CCNH: variants seen among roughly 807,000 people sequenced by gnomAD.
CCNH encodes cyclin-H.
CCNH carries 31 observed loss-of-function variants against 41.9 expected under a neutral mutation model. The ratio of observed to expected loss-of-function variants is 0.74; its 90% confidence interval spans 0.56 to 1.00. The LOEUF (loss-of-function observed/expected upper bound fraction) is 1.00, where lower values mean the gene tolerates loss of function less well. Ranked by LOEUF, CCNH falls within the 50% of genes least tolerant of loss-of-function variation. The probability of loss-of-function intolerance (pLI) is 0.00; values close to 1 mark genes in which losing one functional copy is unlikely to be tolerated. For missense variants in CCNH, 362 were observed against 388.4 expected (o/e 0.93, Z 0.57); for synonymous variants, 138 against 136.1 (o/e 1.01, Z -0.10).
At chr5:87,410,973 T>C (rs1214029075) in intron 2 of CCNH, among the ~76,000 whole-genome samples, 1 of 152,224 alleles carries the variant, frequency 6.6e-6, no homozygotes, top group Admixed American at 6.5e-5. Context: ...AATTTATTTT[T>C]TTTCTTTCTT....
intron 9 of CCNH, among the ~76,000 whole-genome samples, chr5:87,357,982 G>C (rs1019215899): frequency 1.3e-5 from 2 of 152,198 alleles, no homozygotes; most frequent in African/African-American, 2.4e-5. Flanking sequence ...GTGATGAAAA[G>C]TTGGTTTTAG....
rs1758872800 is a variant in CCNH, at chr5:87,346,535, TAAG to T, written c.*91-27641_*91-27639del. 7.8e-6 allele frequency: 4 copies of T among 514,030 alleles called. 1 individual carries two copies. The allele number at this position is 514,030 out of a possible 1,614,324, so 31.8% of individuals were successfully genotyped here. On this transcript the variant is annotated intron_variant and NMD_transcript_variant, in intron 9 of 9. Coordinates refer to the CCNH transcript ENST00000645953. The stretch of plus-strand genomic sequence containing the variant: ...GTATATAAAATGTATTAAAATGTAA[TAAG>T]AATGAGATGATTTGATTAATTGCAT...
At chr5:87,350,494 T>C (rs2112424740) in intron 9 of CCNH, among the ~76,000 whole-genome samples, 2 of 151,948 alleles carry the variant, frequency 1.3e-5, no homozygotes, top group East Asian at 3.9e-4. Flanking sequence ...ATAAAATAAT[T>C]TACATGAATT....
rs185072580 is a variant in CCNH, at chr5:87,328,347, C to T, written c.*91-9450G>A. ...ATTTTTTTTTAAACTTATTTGAAAA[C>T]GGTCACCAGCAAATCTACTTTTAAA... On this transcript the variant is annotated intron_variant and NMD_transcript_variant, in intron 9 of 9. Coordinates refer to the CCNH transcript ENST00000645953. 2.4e-3 allele frequency among the ~76,000 whole-genome samples: 363 copies of T among 151,642 alleles called. 1 individual carries two copies. Among genetic ancestry groups the T allele is most frequent in the African/African-American group, 8.2e-3 (340 of 41,334 alleles).
At chr5:87,340,004 ACT>A (rs1401028803) in intron 9 of CCNH, among the ~76,000 whole-genome samples, 2 of 152,078 alleles carry the variant, frequency 1.3e-5, no homozygotes, top group Non-Finnish European at 2.9e-5. Flanking sequence ...TCATGTATTA[ACT>A]CTAGAATGTA....
At chr5:87,373,379 A>G (rs1194381541), downstream of CCNH, among the ~76,000 whole-genome samples, 2 of 152,106 alleles carry the variant, frequency 1.3e-5, no homozygotes, top group South Asian at 2.1e-4. Flanking sequence ...TGCAGATACT[A>G]TGTCATTTTC....
At chr5:87,389,323 C>CTCTG, downstream of CCNH, 4 of 1,585,396 alleles carry the variant, frequency 2.5e-6, no homozygotes, top group East Asian at 2.3e-5. Flanking sequence ...AAGAGCGAAA[C>CTCTG]TCTGTCTCAA....
At chr5:87,362,710 A>T (rs2112457663) in intron 9 of CCNH, 1 of 1,587,254 alleles carries the variant, frequency 6.3e-7, no homozygotes, top group Non-Finnish European at 8.6e-7. Context: ...TTTGATAGAG[A>T]CGTTGTAAAT....
intron 9 of CCNH, among the ~76,000 whole-genome samples, chr5:87,361,961 G>C (rs1760132573): frequency 6.6e-6 from 1 of 152,186 alleles, no homozygotes; most frequent in African/African-American, 2.4e-5. Flanking sequence ...GAATGTTGCA[G>C]AGTGGCAGAG....
At chr5:87,387,309 A>G (rs1002944595), downstream of CCNH, among the ~76,000 whole-genome samples, 1 of 152,146 alleles carries the variant, frequency 6.6e-6, no homozygotes, top group Admixed American at 6.5e-5. Context: ...AGTAGACTGA[A>G]AAGTCTTCTT....
rs1422043941 is a variant in CCNH, at chr5:87,341,414, G to GT, written c.*91-22518dup. 9 of 775,142 alleles carry GT rather than the reference G, an allele frequency of 1.2e-5. No homozygotes were observed. The Middle Eastern group carries it at 1.3e-3, about 109-fold the overall frequency. The allele number at this position is 775,142 out of a possible 1,614,324, so 48.0% of individuals were successfully genotyped here. ...TTGGCCAAAAAAATTGTTTTTTAAGGTTTTGGACTGACTTAACTTTTAAAT... is the reference window on the plus strand; with the variant it reads ...TTGGCCAAAAAAATTGTTTTTTAAGGTTTTTGGACTGACTTAACTTTTAAAT... On this transcript the variant is annotated intron_variant and NMD_transcript_variant, in intron 9 of 9. Transcript: ENST00000645953.
intron 9 of CCNH, among the ~76,000 whole-genome samples, chr5:87,357,730 G>T (rs930476312): frequency 7.2e-5 from 11 of 152,040 alleles, no homozygotes; most frequent in African/African-American, 2.7e-4. Flanking sequence ...CAAATAGTAT[G>T]TGGCATCTAA....
intron 1 of CCNH, 64 bp downstream of exon 1, chr5:87,412,614 G>A: frequency 1.3e-6 from 2 of 1,590,124 alleles, no homozygotes; most frequent in South Asian, 1.1e-5. Flanking sequence ...GGAGCCAGAA[G>A]AGCTCCCGCA....
downstream of CCNH, chr5:87,392,448 C>T (rs1762593330): frequency 2.3e-6 from 1 of 429,748 alleles, no homozygotes; most frequent in Non-Finnish European, 4.6e-6. Context: ...ATTCCATTCT[C>T]TCCCTTCTTG....
chr5:87,392,186 C>G (rs893000920), downstream of CCNH: 2 of 446,294 alleles, frequency 4.5e-6, no homozygotes, highest in Admixed American at 2.4e-5. Context: ...GACAGGAACC[C>G]AAGGAGGTGT....
At chr5:87,349,216 G>T (rs1187164377) in intron 9 of CCNH, 8 of 1,611,358 alleles carry the variant, frequency 5.0e-6, no homozygotes, top group Non-Finnish European at 6.8e-6. Flanking sequence ...TCTTACAGTT[G>T]GTCAAGTCTG....
downstream of CCNH, chr5:87,318,318 T>A (rs1229949291): frequency 6.6e-6 from 1 of 151,942 alleles, no homozygotes; most frequent in Non-Finnish European, 1.5e-5. Context: ...AAAAGTACAA[T>A]GAGATAGAGG....
rs1763688066 is a variant in CCNH at position 87,405,016 on chromosome 5, A to T, written c.526-9T>A. ...AATATGGGATAGCGGGTCTACAAAG[A>T]AAGTTTGCAAATGTTACCATTTCTG... is the stretch of plus-strand genomic sequence containing the variant. On this transcript the variant is annotated splice_polypyrimidine_tract_variant and intron_variant, in intron 4 of 8. Coordinates refer to ENST00000256897, the MANE Select transcript of CCNH (RefSeq NM_001239.4). The T allele has an allele frequency of 1.5e-5, 24 of 1,603,080 alleles. No individual in the cohort carries two copies. The East Asian group carries it at 5.4e-4, about 36-fold the overall frequency.
At chr5:87,318,668 C>T (rs764361296) in exon 10 of CCNH, 3 of 152,180 alleles carry the variant, frequency 2.0e-5, no homozygotes, top group Non-Finnish European at 4.4e-5. Context: ...TCACCTCCTA[C>T]CAGGTCCCCT....
Sources: gnomAD v4.1 joint callset for allele counts (sites outside exome capture counted in the v4.1 genomes callset) on GRCh38, gnomAD v4.1.1 for gene constraint, MANE v1.5 for transcripts, NCBI Gene and HGNC (gene_info 2026-07-23, HGNC 2026-07-21) for gene names.